The following MELK variants were observed in gnomAD, a reference collection of about 807,000 sequenced individuals.
MELK encodes pEg3 kinase.
Under a neutral mutation model 85.0 loss-of-function variants are expected in MELK, and 81 were observed. The observed-to-expected ratio is 0.95, with a 90% confidence interval of 0.80 to 1.15. The LOEUF (loss-of-function observed/expected upper bound fraction) is 1.15. Among genes scored for constraint, MELK ranks in the 50% most tolerant of loss-of-function variants. The pLI, the probability that MELK is intolerant of heterozygous loss-of-function variation, is 0.00. For synonymous variants in MELK, 252 were observed against 265.0 expected (o/e 0.95, Z 0.48); for missense variants, 754 against 777.5 (o/e 0.97, Z 0.36).
intron 10 of MELK, among the ~76,000 whole-genome samples, chr9:36,638,628 C>T (rs1001844739): frequency 1.3e-4 from 20 of 152,016 alleles, no homozygotes; most frequent in Non-Finnish European, 2.8e-4. Flanking sequence ...TTACTGAGCA[C>T]GTAGAGTAGA....
chr9:36,588,762 G>T (rs1823220249), intron 3 of MELK, among the ~76,000 whole-genome samples: 2 of 152,048 alleles, frequency 1.3e-5, no homozygotes, highest in African/African-American at 4.8e-5. Context: ...TTTCAGCTTG[G>T]CTTATCTTCC....
intron 1 of MELK, among the ~76,000 whole-genome samples, chr9:36,578,895 T>C (rs1821908946): frequency 1.3e-5 from 2 of 152,128 alleles, no homozygotes. Context: ...CAGGCTGGAG[T>C]GCAGTGGCAC....
intron 16 of MELK, among the ~76,000 whole-genome samples, chr9:36,673,221 T>C (rs1414746163): frequency 1.3e-5 from 2 of 152,136 alleles, no homozygotes; most frequent in Non-Finnish European, 2.9e-5. Flanking sequence ...ACAGAGCCAA[T>C]TTAGTTTGGT....
intron 12 of MELK, among the ~76,000 whole-genome samples, chr9:36,656,702 G>C (rs566513631): frequency 6.6e-6 from 1 of 151,332 alleles, no homozygotes; most frequent in East Asian, 1.9e-4. Flanking sequence ...ATTTCTGCTT[G>C]TTGTAACCTC....
intron 10 of MELK, among the ~76,000 whole-genome samples, chr9:36,640,758 TC>T (rs1829681394): frequency 6.6e-6 from 1 of 152,228 alleles, no homozygotes; most frequent in Admixed American, 6.5e-5. Flanking sequence ...GCCTGGGGCC[TC>T]TTTTATAAGT....
chr9:36,616,823 GTTTTTTTT>G (rs11325318), intron 8 of MELK, among the ~76,000 whole-genome samples: 1 of 124,038 alleles, frequency 8.1e-6, no homozygotes, highest in African/African-American at 3.1e-5. Flanking sequence ...CCCCTTCCCA[GTTTTTTTT>G]TTTTTTTTTT....
chr9:36,660,629 A>T (rs752995980), intron 13 of MELK, among the ~76,000 whole-genome samples: 3 of 151,360 alleles, frequency 2.0e-5, no homozygotes, highest in African/African-American at 2.4e-5. Context: ...GCACCTCTAA[A>T]TCTTTTTAAC....
intron 9 of MELK, among the ~76,000 whole-genome samples, chr9:36,632,697 G>A (rs542210311): frequency 3.0e-4 from 45 of 152,278 alleles, no homozygotes; most frequent in African/African-American, 9.9e-4. Context: ...AACTTGTTCT[G>A]TGTGATTGTA....
intron 8 of MELK, among the ~76,000 whole-genome samples, chr9:36,609,490 C>G (rs1198588718): frequency 6.6e-6 from 1 of 150,636 alleles, no homozygotes; most frequent in Non-Finnish European, 1.5e-5. Context: ...CTGTGTCACC[C>G]AGGCTGAAGT....
intron 1 of MELK, among the ~76,000 whole-genome samples, chr9:36,574,442 AAAAAAAAAAAATTAACCG>A (rs1821428353): frequency 6.6e-6 from 1 of 151,496 alleles, no homozygotes; most frequent in Non-Finnish European, 1.5e-5. Flanking sequence ...AAAAAAAAAA[AAAAAAAAAAAATTAACCG>A]GGCATGGTGG....
chr9:36,607,526 T>A (rs1000482478), intron 7 of MELK, 49 bp from the exon 8 acceptor site: 1 of 1,328,582 alleles, frequency 7.5e-7, no homozygotes, highest in South Asian at 1.2e-5. Flanking sequence ...TTCTGAAATA[T>A]GTTTGAATTT....
intron 8 of MELK, among the ~76,000 whole-genome samples, chr9:36,615,268 C>T (rs1261723606): frequency 1.5e-5 from 2 of 129,286 alleles, no homozygotes; most frequent in Admixed American, 7.1e-5. Context: ...ACCTCCCTCC[C>T]AGACGGCACG....
intron 8 of MELK, among the ~76,000 whole-genome samples, chr9:36,620,926 G>A (rs1827341290): frequency 6.6e-6 from 1 of 151,912 alleles, no homozygotes; most frequent in African/African-American, 2.4e-5. Flanking sequence ...CATTGCACCT[G>A]CCAACATTTG....
chr9:36,611,900 G>C (rs904539990), intron 8 of MELK, among the ~76,000 whole-genome samples: 1 of 151,808 alleles, frequency 6.6e-6, no homozygotes, highest in Admixed American at 6.6e-5. Context: ...AGCCTTCCAA[G>C]TAGCTGGGAC....
intron 8 of MELK, among the ~76,000 whole-genome samples, chr9:36,627,769 C>CGCCCATCTCA (rs1382421428): frequency 1.2e-4 from 18 of 151,524 alleles, no homozygotes; most frequent in African/African-American, 4.4e-4. Context: ...TCAGGTGATC[C>CGCCCATCTCA]GCCCATCTCA....
intron 14 of MELK, among the ~76,000 whole-genome samples, chr9:36,668,669 C>T (rs1160698575): frequency 2.0e-5 from 3 of 151,976 alleles, no homozygotes; most frequent in Admixed American, 6.6e-5. Flanking sequence ...TGCGCCACCA[C>T]GCCCAGCTAA....
intron 8 of MELK, among the ~76,000 whole-genome samples, chr9:36,616,070 G>A (rs982286692): frequency 6.6e-6 from 1 of 152,154 alleles, no homozygotes; most frequent in African/African-American, 2.4e-5. Context: ...CCCGGGCGGC[G>A]CTCGCCGGCG....
Position 36,599,403 on chromosome 9 carries a change from G to A in MELK, c.484G>A (p.Asp162Asn), listed in dbSNP as rs887126454. ...TTTATCTTATTGGCAGGGTAACAAG[G>A]ATTACCATCTACAGACATGCTGTGG... is the stretch of plus-strand genomic sequence containing the variant. ...GLCAKPKGNKDYHLQTCCGSL... is the reference protein window; with the variant it reads ...GLCAKPKGNKNYHLQTCCGSL... The change falls in exon 7 of 18, where the codon GAT becomes AAT. Residue 162 changes from aspartate to asparagine, a missense_variant. By Grantham distance (23) the Asp-to-Asn change is conservative. Coordinates refer to ENST00000298048, the MANE Select transcript of MELK (RefSeq NM_014791.4). 2 of 1,610,252 alleles carry A rather than the reference G, an allele frequency of 1.2e-6. No homozygotes were observed. The highest frequency in any genetic ancestry group is 1.7e-6 in the Non-Finnish European group (2 of 1,177,036).
rs1308237582 is a variant in MELK, at chr9:36,615,605, G to A, written c.666+7932G>A. On this transcript the variant is annotated intron_variant, in intron 8 of 17. Transcript: ENST00000298048. ...GGCTCCTCACTTCTCAGACGGGGTG[G>A]TTGCCAGGCAGAGGGTCTCCTCACT... 1.2e-4 allele frequency among the ~76,000 whole-genome samples: 16 copies of A among 131,324 alleles called. No individual in the cohort carries two copies. The Middle Eastern group carries it at 0.012, about 97-fold the overall frequency. 86.2% of individuals were successfully genotyped at this position (131,324 alleles called of 152,430 possible). A position where few individuals can be genotyped will look rare whatever the true frequency, so the allele number is the denominator to read the frequency against.
Sources: allele counts gnomAD v4.1 joint callset (sites outside exome capture counted in the v4.1 genomes callset), GRCh38; gene constraint gnomAD v4.1.1; transcripts MANE v1.5; gene names NCBI Gene and HGNC (gene_info 2026-07-23, HGNC 2026-07-21).